LAMA3: variants seen among roughly 807,000 people sequenced by gnomAD.
LAMA3 encodes laminin subunit alpha 3.
LAMA3 carries 281 observed loss-of-function variants against 402.0 expected under a neutral mutation model. The observed-to-expected ratio is 0.70, with a 90% CI of 0.63 to 0.77. The LOEUF is 0.77. Among genes scored for constraint, LAMA3 ranks in the 30% least tolerant of loss-of-function variants. The pLI is 0.00. For missense variants in LAMA3, 3,840 were observed against 4,215.5 expected, an observed-to-expected ratio of 0.91 and a Z score of 2.47; for synonymous variants, 1,431 against 1,558.4, an observed-to-expected ratio of 0.92 and a Z score of 1.93.
At chr18:23,855,324 C>A (rs1314799802) in intron 32 of LAMA3, among the ~76,000 whole-genome samples, 1 of 152,240 alleles carries the variant, frequency 6.6e-6, no homozygotes, top group Non-Finnish European at 1.5e-5. Flanking sequence ...AAGCAAGGTT[C>A]ACCCAGCCTA....
chr18:23,744,831 CAAAAAAAAAAAAAA>C (rs755527455), intron 2 of LAMA3, among the ~76,000 whole-genome samples: 2 of 31,084 alleles, frequency 6.4e-5, no homozygotes, highest in African/African-American at 9.9e-5. Context: ...GACTCTGTCT[CAAAAAAAAAAAAAA>C]AAAAAAAAAA....
Position 23,758,420 on chromosome 18 carries a change from C to G in LAMA3, c.972C>G (p.His324Gln). ...EKLFRCECQHHTCGETCDRCC... is the reference protein window; with the variant it reads ...EKLFRCECQHQTCGETCDRCC... ...GGTTTCGGTGTGAATGCCAGCACCA[C>G]ACCTGTGGGGAGACGTGTGATCGCT... The change falls in exon 7 of 75, where the codon CAC (histidine) becomes CAG (glutamine). Residue 324 changes from histidine (H) to glutamine (Q), a missense_variant. Around this residue, in one of 3 missense-constraint regions of LAMA3, gnomAD observed 2,109 missense variants for 2,376.0 expected, o/e 0.89. Coordinates refer to ENST00000313654, the MANE Select transcript of LAMA3 (RefSeq NM_198129.4). 1 of 1,614,150 alleles carries G rather than the reference C, an allele frequency of 6.2e-7. No homozygotes were observed. Among genetic ancestry groups the G allele is most frequent in the Non-Finnish European group, 8.5e-7 (1 of 1,179,998 alleles).
At chr18:23,864,256 T>C (rs570815027) in intron 35 of LAMA3, among the ~76,000 whole-genome samples, 1 of 151,900 alleles carries the variant, frequency 6.6e-6, no homozygotes, top group Admixed American at 6.5e-5. Flanking sequence ...AGACAGGGTC[T>C]TGCCCTGTTG....
chr18:23,863,163 G>A (rs1483327404), intron 35 of LAMA3, among the ~76,000 whole-genome samples: 3 of 152,262 alleles, frequency 2.0e-5, no homozygotes, highest in Non-Finnish European at 4.4e-5. Flanking sequence ...CTCAAAGGGA[G>A]GGGAATTTGG....
At position 23,763,481 on chromosome 18, in the gene LAMA3, C is replaced by G. The variant is rs755346403; in HGVS notation, c.1140C>G (p.Thr380=). 5.6e-6 allele frequency: 9 copies of G among 1,613,532 alleles called. No individual in the cohort carries two copies. The Admixed American group carries it at 1.2e-4, about 21-fold the overall frequency. The change falls in exon 8 of 75, where the codon ACC becomes ACG. Residue 380 remains threonine, a synonymous_variant. Transcript: ENST00000313654. ...DVERQQASLN[T]QGIYAGGGVC... ...AGCGGCAGCAGGCAAGCTTGAATAC[C>G]CAGGGCATCTATGCTGGTGGAGGGG... is the stretch of plus-strand genomic sequence containing the variant.
At chr18:23,837,279 C>A in intron 25 of LAMA3, 190 bp downstream of exon 25, 1 of 594,498 alleles carries the variant, frequency 1.7e-6, no homozygotes, top group South Asian at 2.0e-5. Flanking sequence ...TTTGATATGG[C>A]CTAATAAAAT....
intron 12 of LAMA3, among the ~76,000 whole-genome samples, chr18:23,797,278 AT>A (rs925980375): frequency 2.7e-4 from 40 of 145,700 alleles, no homozygotes; most frequent in Middle Eastern, 3.5e-3. Context: ...AGCTATTGTG[AT>A]TTTTTTTTTT....
rs746939255 is a variant in LAMA3 at position 23,784,141 on chromosome 18, A to G, written c.1587A>G (p.Ser529=). 3.0e-5 allele frequency: 49 copies of G among 1,614,006 alleles called. No individual in the cohort carries two copies. Among genetic ancestry groups the G allele is most frequent in the Non-Finnish European group, 4.0e-5 (47 of 1,180,026 alleles). Residue 529 remains serine (S), a synonymous_variant, in exon 12 of 75, where the codon TCA becomes TCG. Transcript: ENST00000313654. Reference sequence around the variant, plus strand: ...ATACCTGCCGCTCTGGTTTCTACTCATTCCCTATTTGCCAAGGTAAGTGGG... The same window carrying G: ...ATACCTGCCGCTCTGGTTTCTACTCGTTCCCTATTTGCCAAGGTAAGTGGG... ...RCDTCRSGFY[S]FPICQACWCS...
Position 23,806,825 on chromosome 18 carries a change from A to G in LAMA3, c.1604-3541A>G, listed in dbSNP as rs1376605298. ...GATAAGGATTTCTTTCTAGGAAGGC[A>G]TAGAAACTTTCAGGTCATTTATGCT... is the stretch of plus-strand genomic sequence containing the variant. On this transcript the variant is annotated intron_variant, in intron 12 of 74. Coordinates refer to ENST00000313654, the MANE Select transcript of LAMA3 (RefSeq NM_198129.4). Among the ~76,000 whole-genome samples the G allele has an allele frequency of 2.6e-5, 4 of 152,202 alleles. No individual in the cohort carries two copies. In the East Asian group the frequency reaches 7.7e-4, roughly 29 times the overall value.
At chr18:23,714,737 C>G (rs2061064071) in intron 2 of LAMA3, among the ~76,000 whole-genome samples, 1 of 152,100 alleles carries the variant, frequency 6.6e-6, no homozygotes, top group African/African-American at 2.4e-5. Context: ...TGTACATTGG[C>G]ATCATTGTGC....
rs755265051 is a variant in LAMA3, at chr18:23,839,791, C to T, written c.3198C>T (p.Thr1066=). ...TAAATATTCTATTTTTCAGTGCCAC[C>T]TGTGTCTCCTTGGCCCATGAAACTC... is the stretch of plus-strand genomic sequence containing the variant. The part of the protein sequence containing the change: ...SYGRFVNQSA[T]CVSLAHETPP... Residue 1066 remains threonine (T), a synonymous_variant, in exon 27 of 75, where the codon ACC becomes ACT. Transcript: ENST00000313654. This position sits in a 1 kb window ranked among gnomAD's most constrained non-coding sequence, Gnocchi z 4.5. 1.2e-6 allele frequency: 2 copies of T among 1,613,976 alleles called. No homozygotes were observed. The highest frequency in any genetic ancestry group is 1.3e-5 in the African/African-American group (1 of 74,896).
chr18:23,848,895 C>T (rs2063884161), intron 32 of LAMA3, among the ~76,000 whole-genome samples: 1 of 152,128 alleles, frequency 6.6e-6, no homozygotes. Flanking sequence ...CTGGGGGAGT[C>T]CCTGGGCTGT....
At chr18:23,761,385 G>A (rs944443255) in intron 7 of LAMA3, among the ~76,000 whole-genome samples, 3 of 152,200 alleles carry the variant, frequency 2.0e-5, no homozygotes, top group African/African-American at 7.2e-5. Flanking sequence ...ACCATATAGT[G>A]TTGAAATGAA....
chr18:23,947,200 C>G (rs4800523), intron 70 of LAMA3, among the ~76,000 whole-genome samples: 10,329 of 152,106 alleles, frequency 0.068, 625 homozygotes, highest in Admixed American at 0.17. Context: ...AGTGCCCTCT[C>G]CCTTCCTCTC....
rs116946290 is a variant in LAMA3 at position 23,807,940 on chromosome 18, C to G, written c.1604-2426C>G. 5.7e-3 allele frequency among the ~76,000 whole-genome samples: 872 copies of G among 152,272 alleles called. 3 individuals are homozygous for G. The highest frequency in any genetic ancestry group is 8.7e-3 in the Non-Finnish European group (592 of 68,018). On this transcript the variant is annotated intron_variant, in intron 12 of 74. Transcript: ENST00000313654. Reference sequence around the variant, plus strand: ...GACTTAACCTCTGCAGACAGGCCAGCTGGGACTATGGGCCATGAGAGAAGA... The same window carrying G: ...GACTTAACCTCTGCAGACAGGCCAGGTGGGACTATGGGCCATGAGAGAAGA...
chr18:23,758,327 C>A, intron 6 of LAMA3, 69 bp from the exon 7 acceptor site: 1 of 1,122,806 alleles, frequency 8.9e-7, no homozygotes, highest in Non-Finnish European at 1.3e-6. Flanking sequence ...GTCAGGTTCG[C>A]ACTATAGGAT....
At chr18:23,935,137 G>T (rs1356925178) in intron 67 of LAMA3, among the ~76,000 whole-genome samples, 1 of 152,194 alleles carries the variant, frequency 6.6e-6, no homozygotes, top group Non-Finnish European at 1.5e-5. Context: ...CTATTTACAG[G>T]ATAGAATACA....
At chr18:23,698,275 C>T (rs906651755) in intron 1 of LAMA3, among the ~76,000 whole-genome samples, 5 of 146,796 alleles carry the variant, frequency 3.4e-5, no homozygotes, top group Non-Finnish European at 5.9e-5. Context: ...GGCGCGATCT[C>T]GGCTCACTGC....
rs551331821 is a variant in LAMA3, at chr18:23,873,585, G to T, written c.4998+1924G>T. Among the ~76,000 whole-genome samples, 20 of 152,330 alleles carry T rather than the reference G, an allele frequency of 1.3e-4. 1 individual carries two copies. The South Asian group carries it at 1.9e-3, about 14-fold the overall frequency. On this transcript the variant is annotated intron_variant, in intron 38 of 74. Coordinates refer to ENST00000313654, the MANE Select transcript of LAMA3 (RefSeq NM_198129.4). ...TGGAAGAAAATTTACCCACGGGGGGGAGAAAATGGGAAAGAGTGAAATCCA... is the reference window on the plus strand; with the variant it reads ...TGGAAGAAAATTTACCCACGGGGGGTAGAAAATGGGAAAGAGTGAAATCCA...
Sources: gnomAD v4.1 joint callset for allele counts (sites outside exome capture counted in the v4.1 genomes callset) on GRCh38, gnomAD v4.1.1 for gene constraint, gnomAD v4.1.1 regional missense constraint, Gnocchi (gnomAD v3.1) non-coding constraint, MANE v1.5 for transcripts, NCBI Gene and HGNC (gene_info 2026-07-23, HGNC 2026-07-21) for gene names.